MACROD2: variants seen among roughly 807,000 people sequenced by gnomAD.
The protein encoded by MACROD2 is mono-ADP ribosylhydrolase 2.
A neutral mutation model predicts 70.4 loss-of-function variants in MACROD2; 36 were observed. The ratio of observed to expected loss-of-function variants is 0.51; its 90% CI spans 0.39 to 0.68. The LOEUF (loss-of-function observed/expected upper bound fraction) is 0.68. Ranked by LOEUF, MACROD2 falls within the 30% of genes least tolerant of loss-of-function variation. The pLI is 0.00. For missense variants in MACROD2, 496 were observed against 538.4 expected, an observed-to-expected ratio of 0.92 and a Z score of 0.78; for synonymous variants, 172 against 178.8, an observed-to-expected ratio of 0.96 and a Z score of 0.30.
At chr20:14,324,683 A>G (rs1439976594) in intron 3 of MACROD2, 1 of 152,194 alleles carries the variant, frequency 6.6e-6, no homozygotes, top group East Asian at 1.9e-4. Flanking sequence ...TTTATAATTC[A>G]CTTTTCAAAA....
chr20:14,049,991 G>A (rs1372060202), intron 2 of MACROD2, among the ~76,000 whole-genome samples: 5 of 151,570 alleles, frequency 3.3e-5, no homozygotes, highest in African/African-American at 1.2e-4. Context: ...GGCAGAGGCA[G>A]GAGAATCGCT....
chr20:14,812,796 G>C (rs570237094), intron 5 of MACROD2, among the ~76,000 whole-genome samples: 1 of 152,044 alleles, frequency 6.6e-6, no homozygotes, highest in Non-Finnish European at 1.5e-5. Context: ...CCAAGTGGGT[G>C]TAATTCACTT....
chr20:14,211,682 C>T (rs911237893), intron 3 of MACROD2, among the ~76,000 whole-genome samples: 1 of 152,144 alleles, frequency 6.6e-6, no homozygotes. Context: ...AGTGAGGCAG[C>T]AGAGTGAGAG....
intron 3 of MACROD2, among the ~76,000 whole-genome samples, chr20:14,418,378 T>G (rs1055568703): frequency 6.6e-6 from 1 of 152,180 alleles, no homozygotes; most frequent in African/African-American, 2.4e-5. Flanking sequence ...TGTTGAGGAT[T>G]TGAAGTGAGA....
chr20:15,457,653 G>C (rs889262644), intron 7 of MACROD2, among the ~76,000 whole-genome samples: 1 of 152,108 alleles, frequency 6.6e-6, no homozygotes, highest in Admixed American at 6.6e-5. Context: ...AAATTCCTCT[G>C]CCTTTAGTTG....
At chr20:14,703,285 T>C (rs2071228542) in intron 5 of MACROD2, among the ~76,000 whole-genome samples, 1 of 152,000 alleles carries the variant, frequency 6.6e-6, no homozygotes, top group African/African-American at 2.4e-5. Context: ...AATCTAGCAA[T>C]GAACATAGAA....
At chr20:15,704,140 G>GTTTATTTATTTA (rs145830062) in intron 8 of MACROD2, among the ~76,000 whole-genome samples, 27 of 151,110 alleles carry the variant, frequency 1.8e-4, no homozygotes, top group African/African-American at 5.6e-4. Context: ...ATGTTTGTTT[G>GTTTATTTATTTA]TTTATTTATT....
chr20:15,677,838 G>A (rs998393919), intron 8 of MACROD2, among the ~76,000 whole-genome samples: 1 of 152,162 alleles, frequency 6.6e-6, no homozygotes, highest in Admixed American at 6.5e-5. Context: ...GGAGGCCGAG[G>A]CAGGTGGATC....
At chr20:16,043,335 C>A (rs796685330) in intron 16 of MACROD2, among the ~76,000 whole-genome samples, 2 of 152,030 alleles carry the variant, frequency 1.3e-5, no homozygotes, top group South Asian at 4.1e-4. Context: ...AAGTCCTGAC[C>A]ATTCTGAGTC....
At chr20:14,740,600 T>A (rs906509466) in intron 5 of MACROD2, among the ~76,000 whole-genome samples, 7 of 152,172 alleles carry the variant, frequency 4.6e-5, no homozygotes, top group Admixed American at 4.6e-4. Flanking sequence ...GTGTAAATGG[T>A]CTTCTGGGTA....
intron 16 of MACROD2, 25 bp downstream of exon 16, chr20:16,041,303 C>T (rs766830715): frequency 5.1e-6 from 8 of 1,574,540 alleles, no homozygotes; most frequent in Non-Finnish European, 7.0e-6. Flanking sequence ...TATTGGAGCC[C>T]ATGGAAACTA....
intron 5 of MACROD2, among the ~76,000 whole-genome samples, chr20:15,206,631 AT>A (rs893773055): frequency 4.1e-5 from 5 of 121,868 alleles, no homozygotes; most frequent in African/African-American, 9.7e-5. Flanking sequence ...ACCATGAATT[AT>A]TTTTTTCTTT....
chr20:15,752,670 A>T (rs1170679440), intron 8 of MACROD2, among the ~76,000 whole-genome samples: 1 of 152,192 alleles, frequency 6.6e-6, no homozygotes, highest in Non-Finnish European at 1.5e-5. Context: ...CATTTCTTGT[A>T]TTAAACTTTA....
intron 4 of MACROD2, among the ~76,000 whole-genome samples, chr20:14,532,544 C>G (rs2085319832): frequency 6.6e-6 from 1 of 151,982 alleles, no homozygotes; most frequent in South Asian, 2.1e-4. Flanking sequence ...AATTTAAGGA[C>G]AAGATTTGTG....
chr20:15,660,239 AAGTTTGT>A (rs2049800059), intron 8 of MACROD2, among the ~76,000 whole-genome samples: 1 of 152,180 alleles, frequency 6.6e-6, no homozygotes, highest in African/African-American at 2.4e-5. Context: ...CATCCATCAC[AAGTTTGT>A]TCATCTATTT....
intron 4 of MACROD2, chr20:14,493,711 A>G (rs2084819825): frequency 3.0e-6 from 1 of 332,052 alleles, no homozygotes; most frequent in East Asian, 4.6e-5. Flanking sequence ...CGAGATATAT[A>G]CAGTACTCTT....
At chr20:14,698,722 A>T (rs1417741747) in intron 5 of MACROD2, among the ~76,000 whole-genome samples, 1 of 151,334 alleles carries the variant, frequency 6.6e-6, no homozygotes. Context: ...ATGAGCAAAT[A>T]TGTGCACATA....
chr20:14,279,305 T>C (rs1185408258), intron 3 of MACROD2, among the ~76,000 whole-genome samples: 1 of 152,234 alleles, frequency 6.6e-6, no homozygotes, highest in Non-Finnish European at 1.5e-5. Flanking sequence ...AAGTGTGATA[T>C]TTTATTGACC....
intron 13 of MACROD2, among the ~76,000 whole-genome samples, chr20:15,975,064 A>G (rs184628689): frequency 6.6e-5 from 10 of 152,272 alleles, no homozygotes; most frequent in Admixed American, 5.9e-4. Context: ...GTAAGAAAAA[A>G]CATAAACAAT....
Sources: allele counts gnomAD v4.1 joint callset (sites outside exome capture counted in the v4.1 genomes callset), GRCh38; gene constraint gnomAD v4.1.1; transcripts MANE v1.5; gene names NCBI Gene and HGNC (gene_info 2026-07-23, HGNC 2026-07-21).